Variants in MICU2 observed in about 807,000 individuals in gnomAD.
MICU2 encodes calcium uptake protein 2, mitochondrial.
MICU2 carries 64 observed loss-of-function variants against 60.4 expected under a neutral mutation model. That is an observed-to-expected ratio of 1.06 (90% CI 0.87 to 1.31). The LOEUF is 1.31. Ranked by LOEUF, MICU2 falls within the 50% of genes most tolerant of loss-of-function variation. The pLI is 0.00. For synonymous variants in MICU2, 201 were observed against 175.0 expected (o/e 1.15, Z -1.17); for missense variants, 569 against 531.0 (o/e 1.07, Z -0.70).
At chr13:21,493,573 T>C (rs1299702244) in intron 11 of MICU2, among the ~76,000 whole-genome samples, 1 of 152,218 alleles carries the variant, frequency 6.6e-6, no homozygotes, top group Non-Finnish European at 1.5e-5. Flanking sequence ...GGAACCAGAC[T>C]GAGCACACAT....
chr13:21,600,347 C>A (rs529011842), intron 1 of MICU2, among the ~76,000 whole-genome samples: 1 of 152,226 alleles, frequency 6.6e-6, no homozygotes, highest in Non-Finnish European at 1.5e-5. Flanking sequence ...CTTTGCCTAG[C>A]AAACTTGCAG....
At chr13:21,515,715 C>T (rs756325158) in intron 6 of MICU2, 4 of 207,794 alleles carry the variant, frequency 1.9e-5, no homozygotes, top group South Asian at 6.9e-5. Context: ...CAATTAATTC[C>T]GTATTAATTA....
rs201092762 is a variant in MICU2, at chr13:21,513,595, GGT to G, written c.663+756_663+757del. On this transcript the variant is annotated intron_variant, in intron 7 of 11. Transcript: ENST00000382374. Reference sequence around the variant, plus strand: ...TCTACTAAATACAAAAAATTAGCTGGGTGTGTGGGTGGCATGTGCCTGTAATC... The same window carrying G: ...TCTACTAAATACAAAAAATTAGCTGGGTGTGGGTGGCATGTGCCTGTAATC... Among the ~76,000 whole-genome samples the G allele has an allele frequency of 7.8e-3, 1,191 of 151,770 alleles. 14 individuals are homozygous for G. Among genetic ancestry groups the G allele is most frequent in the African/African-American group, 0.027 (1,134 of 41,422 alleles).
chr13:21,582,100 T>C (rs1348335858), intron 1 of MICU2, among the ~76,000 whole-genome samples: 2 of 152,160 alleles, frequency 1.3e-5, no homozygotes, highest in Admixed American at 6.6e-5. Flanking sequence ...TAGCTTTTAG[T>C]AGAGAAACAA....
rs1166044818 is a variant in MICU2 at position 21,561,686 on chromosome 13, GTTTC to G, written c.358+5107_358+5110del. On this transcript the variant is annotated intron_variant, in intron 2 of 11. Transcript: ENST00000382374. The stretch of plus-strand genomic sequence containing the variant: ...ATCTGTATCTTTACATTTAAAGTGG[GTTTC>G]TTTTTTTTTTTTTTTAGTCTCTTTT... Among the ~76,000 whole-genome samples the G allele has an allele frequency of 3.3e-4, 32 of 97,680 alleles. No individual in the cohort carries two copies. In the East Asian group the frequency reaches 8.6e-3, roughly 26 times the overall value. The allele number at this position is 97,680 out of a possible 152,430, so 64.1% of individuals were successfully genotyped here. A position where few individuals can be genotyped will look rare whatever the true frequency, so the allele number is the denominator to read the frequency against.
chr13:21,549,145 G>A (rs984988568), intron 2 of MICU2, among the ~76,000 whole-genome samples: 2 of 151,970 alleles, frequency 1.3e-5, no homozygotes, highest in African/African-American at 4.8e-5. Context: ...TAGCCAGGAT[G>A]GTCTTGATCT....
intron 1 of MICU2, among the ~76,000 whole-genome samples, chr13:21,571,019 C>T (rs1888095361): frequency 6.6e-6 from 1 of 152,130 alleles, no homozygotes; most frequent in Non-Finnish European, 1.5e-5. Flanking sequence ...TTCTTCCTTC[C>T]TTCCGTGTGC....
intron 2 of MICU2, among the ~76,000 whole-genome samples, chr13:21,543,804 T>G (rs1306918948): frequency 1.3e-4 from 1 of 7,782 alleles, no homozygotes; most frequent in East Asian, 0.042. Flanking sequence ...TTCATGCAAG[T>G]AGAAAAAAAA....
intron 1 of MICU2, among the ~76,000 whole-genome samples, chr13:21,589,618 T>C (rs1246803059): frequency 1.3e-5 from 2 of 152,166 alleles, no homozygotes; most frequent in Admixed American, 1.3e-4. Context: ...AGCAACCTTT[T>C]TCGATTACCT....
intron 3 of MICU2, 92 bp downstream of exon 3, chr13:21,539,565 T>C: frequency 6.5e-7 from 1 of 1,536,830 alleles, no homozygotes; most frequent in Non-Finnish European, 9.0e-7. Context: ...CCCAAAGTGC[T>C]GGGATTACAG....
In MICU2 at chr13:21,499,744, C is replaced by T. The variant is rs546279416; in HGVS notation, c.933+3182G>A. ...GTTTCTGTACATCTATCAGAGGCAC[C>T]GACTGCATTTTTGTTCCAGATTATA... On this transcript the variant is annotated intron_variant, in intron 9 of 11. Transcript: ENST00000382374. Among the ~76,000 whole-genome samples, 14 of 152,040 alleles carry T rather than the reference C, an allele frequency of 9.2e-5. No homozygotes were observed. The South Asian group carries it at 1.2e-3, about 14-fold the overall frequency.
intron 1 of MICU2, among the ~76,000 whole-genome samples, chr13:21,603,114 G>A (rs1252576796): frequency 1.4e-5 from 2 of 142,112 alleles, no homozygotes; most frequent in Admixed American, 6.9e-5. Flanking sequence ...CCAGCTAATT[G>A]TTTATATTTT....
intron 8 of MICU2, among the ~76,000 whole-genome samples, chr13:21,504,274 C>T (rs2025242): frequency 0.22 from 34,107 of 151,724 alleles, 4,665 homozygotes; most frequent in East Asian, 0.63. Context: ...TCAACTGATT[C>T]TTATTAGAAC....
intron 6 of MICU2, among the ~76,000 whole-genome samples, chr13:21,517,815 A>ACGCGCGCGCG (rs1566144928): frequency 1.4e-5 from 2 of 146,178 alleles, no homozygotes; most frequent in Non-Finnish European, 1.5e-5. Context: ...GCGCGCGCGC[A>ACGCGCGCGCG]CACGCGCTAC....
intron 1 of MICU2, among the ~76,000 whole-genome samples, chr13:21,593,417 T>C (rs1335381136): frequency 6.6e-6 from 1 of 151,302 alleles, no homozygotes; most frequent in Non-Finnish European, 1.5e-5. Context: ...AGAATCAATA[T>C]TGTAAAAATG....
At position 21,510,004 on chromosome 13, in the gene MICU2, C is replaced by T. The variant is rs1376106143; in HGVS notation, c.761G>A (p.Arg254Lys). Residue 254 changes from arginine (R) to lysine (K), a missense_variant and splice_region_variant, in exon 8 of 12, where the codon AGA becomes AAA. By Grantham distance (26) the Arg-to-Lys change is conservative (BLOSUM62 2). Transcript: ENST00000382374. ...QRKLHYKEFR[R>K]FMENLQTEIQ... Reference sequence around the variant, plus strand: ...AATGAATGTAAATATTTGCATTTACCTTCGAAATTCTTTATAATGAAGTTT... The same window carrying T: ...AATGAATGTAAATATTTGCATTTACTTTCGAAATTCTTTATAATGAAGTTT... The T allele has an allele frequency of 2.0e-6, 3 of 1,509,778 alleles. No homozygotes were observed. Among genetic ancestry groups the T allele is most frequent in the South Asian group, 1.3e-5 (1 of 75,382 alleles). 93.5% of individuals were successfully genotyped at this position (1,509,778 alleles called of 1,614,324 possible). A position where few individuals can be genotyped will look rare whatever the true frequency, so the allele number is the denominator to read the frequency against.
chr13:21,551,149 C>T (rs890931792), intron 2 of MICU2, among the ~76,000 whole-genome samples: 2 of 152,204 alleles, frequency 1.3e-5, no homozygotes, highest in African/African-American at 4.8e-5. Flanking sequence ...TCCCTTGCTT[C>T]TCTTTCACTT....
chr13:21,525,850 GTCTTT>G (rs1320169533), intron 4 of MICU2, among the ~76,000 whole-genome samples: 1 of 151,362 alleles, frequency 6.6e-6, no homozygotes, highest in Non-Finnish European at 1.5e-5. Flanking sequence ...CCATTTGTGG[GTCTTT>G]TCTTCACTCT....
At chr13:21,549,731 T>C (rs1887505812) in intron 2 of MICU2, among the ~76,000 whole-genome samples, 1 of 152,212 alleles carries the variant, frequency 6.6e-6, no homozygotes, top group Non-Finnish European at 1.5e-5. Context: ...CTAAACGCCT[T>C]ATTTCTCTCT....
Sources: gnomAD v4.1 joint callset for allele counts (sites outside exome capture counted in the v4.1 genomes callset) on GRCh38, gnomAD v4.1.1 for gene constraint, MANE v1.5 for transcripts, NCBI Gene and HGNC (gene_info 2026-07-23, HGNC 2026-07-21) for gene names.